Variants in LPAR3 observed in about 807,000 individuals in gnomAD.
The protein encoded by LPAR3 is LPA receptor 3.
Under a neutral mutation model 17.8 loss-of-function variants are expected in LPAR3, and 7 were observed. The observed-to-expected ratio is 0.39, with a 90% CI of 0.22 to 0.74. The LOEUF (loss-of-function observed/expected upper bound fraction) is 0.74, where lower values mean the gene tolerates loss of function less well. Ranked by LOEUF, LPAR3 falls within the 30% of genes least tolerant of loss-of-function variation. LPAR3 has a pLI of 0.40. For missense variants in LPAR3, 391 were observed against 453.4 expected, an observed-to-expected ratio of 0.86 and a Z score of 1.25; for synonymous variants, 179 against 179.9, an observed-to-expected ratio of 0.99 and a Z score of 0.04.
chr1:84,861,872 TTC>T (rs923221952), intron 2 of LPAR3, among the ~76,000 whole-genome samples: 1 of 152,232 alleles, frequency 6.6e-6, no homozygotes, highest in Non-Finnish European at 1.5e-5. Flanking sequence ...ATTCTGGTTT[TTC>T]TCTTAGTCAA....
chr1:84,882,540 G>C (rs964595352), intron 1 of LPAR3, among the ~76,000 whole-genome samples: 1 of 152,066 alleles, frequency 6.6e-6, no homozygotes, highest in Non-Finnish European at 1.5e-5. Context: ...ACAATCATAA[G>C]AAAGAAGAAC....
chr1:84,883,401 T>A (rs377214855), intron 1 of LPAR3, among the ~76,000 whole-genome samples: 64 of 152,316 alleles, frequency 4.2e-4, no homozygotes, highest in African/African-American at 1.5e-3. Context: ...TTTCATTACC[T>A]TTTAGTCCCA....
chr1:84,824,814 A>C (rs10159252), intron 2 of LPAR3, among the ~76,000 whole-genome samples: 14,085 of 152,184 alleles, frequency 0.093, 1,015 homozygotes, highest in East Asian at 0.22. Flanking sequence ...GTGCGCACAC[A>C]ATTTCTCACA....
intron 2 of LPAR3, among the ~76,000 whole-genome samples, chr1:84,853,210 G>T (rs561238116): frequency 6.6e-6 from 1 of 151,976 alleles, no homozygotes; most frequent in African/African-American, 2.4e-5. Flanking sequence ...ATTTTTGAAC[G>T]ATCAAGCTCA....
chr1:84,871,375 G>A (rs1660156530), intron 1 of LPAR3, among the ~76,000 whole-genome samples: 1 of 152,204 alleles, frequency 6.6e-6, no homozygotes, highest in Non-Finnish European at 1.5e-5. Context: ...AAACAATTAT[G>A]AGAATTAAGA....
intron 2 of LPAR3, among the ~76,000 whole-genome samples, chr1:84,815,509 T>C (rs1323087557): frequency 6.6e-6 from 1 of 152,186 alleles, no homozygotes; most frequent in Non-Finnish European, 1.5e-5. Context: ...CTCTTGTTGC[T>C]TTATCTTACT....
chr1:84,842,458 AATGAGCAGAAATCATTTTCCTTAC>A (rs1323194964), intron 2 of LPAR3, among the ~76,000 whole-genome samples: 2 of 152,264 alleles, frequency 1.3e-5, no homozygotes, highest in Non-Finnish European at 2.9e-5. Context: ...CATGCAAATG[AATGAGCAGAAATCATTTTCCTTAC>A]ATTGCCTTTA....
intron 2 of LPAR3, among the ~76,000 whole-genome samples, chr1:84,842,446 A>G (rs192361967): frequency 4.6e-5 from 7 of 152,374 alleles, no homozygotes; most frequent in Admixed American, 3.9e-4. Flanking sequence ...CTGAATTTTA[A>G]TCATGCAAAT....
chr1:84,837,095 C>A (rs1659419616), intron 2 of LPAR3, among the ~76,000 whole-genome samples: 1 of 148,972 alleles, frequency 6.7e-6, no homozygotes. Context: ...TGCAATGGCT[C>A]ACTGCAACCT....
rs1244972864 is a variant in LPAR3, at chr1:84,846,205, C to T, written c.736+19180G>A. Among the ~76,000 whole-genome samples the T allele has an allele frequency of 2.0e-5, 3 of 152,154 alleles. No homozygotes were observed. In the South Asian group the frequency reaches 6.2e-4, roughly 32 times the overall value. On this transcript the variant is annotated intron_variant, in intron 2 of 2. Coordinates refer to ENST00000370611, the MANE Select transcript of LPAR3 (RefSeq NM_012152.3). Reference sequence around the variant, plus strand: ...AGACAAATTCTCATGTTAAAAAAAGCCATTTTAAAGATGTTTCAGCTACAT... The same window carrying T: ...AGACAAATTCTCATGTTAAAAAAAGTCATTTTAAAGATGTTTCAGCTACAT...
At chr1:84,853,107 G>GAAAAAAAAA (rs34146882) in intron 2 of LPAR3, among the ~76,000 whole-genome samples, 2 of 141,530 alleles carry the variant, frequency 1.4e-5, no homozygotes. Context: ...GAAAAGAAAA[G>GAAAAAAAAA]AAAAAAAAAA....
intron 1 of LPAR3, among the ~76,000 whole-genome samples, chr1:84,875,662 T>C (rs532585766): frequency 6.6e-6 from 1 of 152,384 alleles, no homozygotes; most frequent in South Asian, 2.1e-4. Flanking sequence ...TGGTATTCTC[T>C]TTTATAGCAT....
rs1260649376 is a variant in LPAR3, at chr1:84,873,059, C to T, written c.-18-6921G>A. On this transcript the variant is annotated intron_variant, in intron 1 of 2. Coordinates refer to ENST00000370611, the MANE Select transcript of LPAR3 (RefSeq NM_012152.3). ...ACCAGTACTCCTCAAAACTGGTACT[C>T]ATCAAAAACAAAGAAAACCTGAAAA... is the stretch of plus-strand genomic sequence containing the variant. Among the ~76,000 whole-genome samples, 9 of 152,212 alleles carry T rather than the reference C, an allele frequency of 5.9e-5. No homozygotes were observed. The South Asian group carries it at 1.9e-3, about 32-fold the overall frequency.
intron 2 of LPAR3, among the ~76,000 whole-genome samples, chr1:84,831,620 T>C (rs1385898462): frequency 1.3e-5 from 2 of 151,956 alleles, no homozygotes; most frequent in Non-Finnish European, 1.5e-5. Flanking sequence ...ACTACTTAAA[T>C]AGTACAAGTA....
In LPAR3 at chr1:84,811,995, A is replaced by G. The variant is rs1476120467; in HGVS notation, c.*1851T>C. On this transcript the variant is annotated 3_prime_UTR_variant, in exon 3 of 3. Coordinates refer to ENST00000370611, the MANE Select transcript of LPAR3 (RefSeq NM_012152.3). The stretch of plus-strand genomic sequence containing the variant: ...TGCCTACTTAGGTCTCTGAAGGAGA[A>G]AAATTCAAAATAGAACCCAGATCAA... The G allele has an allele frequency of 3.9e-5, 6 of 152,176 alleles. No homozygotes were observed. Among genetic ancestry groups the G allele is most frequent in the Admixed American group, 1.3e-4 (2 of 15,282 alleles). The allele number at this position is 152,176 out of a possible 1,614,324, so 9.4% of individuals were successfully genotyped here.
intron 2 of LPAR3, among the ~76,000 whole-genome samples, chr1:84,852,520 A>G (rs143833694): frequency 2.0e-5 from 3 of 152,238 alleles, no homozygotes; most frequent in East Asian, 3.9e-4. Context: ...GCAGGTCTGC[A>G]GGGCAGCTGA....
intron 2 of LPAR3, among the ~76,000 whole-genome samples, chr1:84,819,478 A>T (rs1659008669): frequency 6.6e-6 from 1 of 152,240 alleles, no homozygotes; most frequent in Non-Finnish European, 1.5e-5. Flanking sequence ...CTGGGTGATC[A>T]TGATGCACAG....
intron 1 of LPAR3, among the ~76,000 whole-genome samples, chr1:84,886,056 C>G (rs1042326743): frequency 6.6e-6 from 1 of 152,070 alleles, no homozygotes; most frequent in Non-Finnish European, 1.5e-5. Context: ...CAATAATACC[C>G]CAGTAACAAT....
At chr1:84,845,397 C>T (rs1255726576) in intron 2 of LPAR3, among the ~76,000 whole-genome samples, 1 of 152,116 alleles carries the variant, frequency 6.6e-6, no homozygotes, top group East Asian at 1.9e-4. Context: ...TCTTGGAAAG[C>T]AGAACTAGAA....
Sources: gnomAD v4.1 joint callset for allele counts (sites outside exome capture counted in the v4.1 genomes callset) on GRCh38, gnomAD v4.1.1 for gene constraint, MANE v1.5 for transcripts, NCBI Gene and HGNC (gene_info 2026-07-23, HGNC 2026-07-21) for gene names.